SLC16A10: variants seen among roughly 807,000 people sequenced by gnomAD.
The protein encoded by SLC16A10 is monocarboxylate transporter 10.
SLC16A10 carries 27 observed loss-of-function variants against 40.0 expected under a neutral mutation model. The ratio of observed to expected loss-of-function variants is 0.67; its 90% CI spans 0.50 to 0.93. SLC16A10 has a LOEUF of 0.93. Ranked by LOEUF, SLC16A10 falls within the 40% of genes least tolerant of loss-of-function variation. The pLI, the probability that SLC16A10 is intolerant of heterozygous loss-of-function variation, is 0.00. For missense variants in SLC16A10, 529 were observed against 658.2 expected, an observed-to-expected ratio of 0.80 and a Z score of 2.15; for synonymous variants, 213 against 249.8, an observed-to-expected ratio of 0.85 and a Z score of 1.39.
rs542313521 is a variant in SLC16A10, at chr6:111,223,351, T to C, written c.*1116T>C. The C allele has an allele frequency of 5.9e-5, 9 of 152,294 alleles. No homozygotes were observed. In the South Asian group the frequency reaches 1.9e-3, roughly 32 times the overall value. The allele number at this position is 152,294 out of a possible 1,614,324, so 9.4% of individuals were successfully genotyped here. A position where few individuals can be genotyped will look rare whatever the true frequency, so the allele number is the denominator to read the frequency against. On this transcript the variant is annotated 3_prime_UTR_variant, in exon 6 of 6. Coordinates refer to ENST00000368851, the MANE Select transcript of SLC16A10 (RefSeq NM_018593.5). ...CCTATGAACATTCCCATTGTTTTTT[T>C]TTGCTATTTATATACAGATTATCAT...
At chr6:111,174,724 T>C (rs990748181) in intron 2 of SLC16A10, among the ~76,000 whole-genome samples, 3 of 152,220 alleles carry the variant, frequency 2.0e-5, no homozygotes, top group African/African-American at 7.2e-5. Flanking sequence ...CTTGTGGCTC[T>C]ACCACTTGCC....
chr6:111,094,118 A>AT (rs1471431314), intron 1 of SLC16A10, among the ~76,000 whole-genome samples: 1 of 152,180 alleles, frequency 6.6e-6, no homozygotes. Flanking sequence ...TTCAGGAGCG[A>AT]TTTTGAGGTG....
At chr6:111,123,299 A>G (rs867382092) in intron 1 of SLC16A10, among the ~76,000 whole-genome samples, 11 of 152,350 alleles carry the variant, frequency 7.2e-5, no homozygotes, top group African/African-American at 2.2e-4. Context: ...TGTATAGGCC[A>G]TAGCTCAGGT....
intron 3 of SLC16A10, among the ~76,000 whole-genome samples, chr6:111,197,904 C>T (rs1036463963): frequency 1.6e-4 from 25 of 152,176 alleles, no homozygotes; most frequent in African/African-American, 5.6e-4. Context: ...CTCCAAAATC[C>T]AGTCACCTCC....
At chr6:111,109,454 A>ATT (rs149807124) in intron 1 of SLC16A10, among the ~76,000 whole-genome samples, 45 of 115,786 alleles carry the variant, frequency 3.9e-4, no homozygotes, top group East Asian at 1.2e-3. Context: ...CCTATGCCAC[A>ATT]TTTTTTTTTT....
intron 4 of SLC16A10, among the ~76,000 whole-genome samples, chr6:111,210,433 T>A (rs1025286835): frequency 3.3e-5 from 5 of 152,208 alleles, no homozygotes; most frequent in African/African-American, 1.2e-4. Flanking sequence ...CATCTAACAT[T>A]TAGTTTTGTT....
At chr6:111,128,147 ATCTT>A (rs1005741834) in intron 1 of SLC16A10, among the ~76,000 whole-genome samples, 4 of 152,150 alleles carry the variant, frequency 2.6e-5, no homozygotes, top group African/African-American at 7.2e-5. Context: ...GTTTCTTTGA[ATCTT>A]TCTGTCAGTT....
chr6:111,218,076 T>G (rs1770802543), intron 4 of SLC16A10, among the ~76,000 whole-genome samples: 1 of 152,168 alleles, frequency 6.6e-6, no homozygotes, highest in South Asian at 2.1e-4. Context: ...TCTGGGGTGC[T>G]TAAATTTATC....
At chr6:111,144,974 C>A (rs113130835) in intron 1 of SLC16A10, among the ~76,000 whole-genome samples, 2 of 152,006 alleles carry the variant, frequency 1.3e-5, no homozygotes, top group Non-Finnish European at 2.9e-5. Flanking sequence ...ACCACACAGG[C>A]GCATGCCACC....
chr6:111,208,149 G>GT (rs952593781), intron 4 of SLC16A10, among the ~76,000 whole-genome samples: 20 of 148,948 alleles, frequency 1.3e-4, no homozygotes, highest in African/African-American at 3.7e-4. Flanking sequence ...TTGTTTTTTT[G>GT]TTTTTTTTCT....
intron 1 of SLC16A10, among the ~76,000 whole-genome samples, chr6:111,147,260 A>T (rs1252315030): frequency 6.6e-6 from 1 of 152,242 alleles, no homozygotes; most frequent in Non-Finnish European, 1.5e-5. Context: ...CAAAATACAG[A>T]GTATAATTCA....
At chr6:111,124,878 T>G (rs781247771) in intron 1 of SLC16A10, among the ~76,000 whole-genome samples, 8 of 152,210 alleles carry the variant, frequency 5.3e-5, no homozygotes, top group Non-Finnish European at 1.2e-4. Context: ...TGCATTTTCA[T>G]CTATTGATAA....
intron 3 of SLC16A10, among the ~76,000 whole-genome samples, chr6:111,198,797 G>A (rs1041420402): frequency 3.9e-5 from 6 of 152,112 alleles, no homozygotes; most frequent in Admixed American, 6.5e-5. Flanking sequence ...ACATTTAGCC[G>A]ATAGGTGACT....
chr6:111,089,908 G>GTA (rs1770942532), intron 1 of SLC16A10, among the ~76,000 whole-genome samples: 1 of 52,296 alleles, frequency 1.9e-5, no homozygotes, highest in African/African-American at 6.7e-5. Flanking sequence ...CTGTGGGTGG[G>GTA]TTTTTTTTTT....
chr6:111,211,690 T>G (rs1773348817), intron 4 of SLC16A10, among the ~76,000 whole-genome samples: 1 of 152,234 alleles, frequency 6.6e-6, no homozygotes, highest in Non-Finnish European at 1.5e-5. Flanking sequence ...AACACAGGCC[T>G]AACCCATGCA....
Position 111,206,598 on chromosome 6 carries a change from C to T in SLC16A10, c.949C>T (p.His317Tyr), listed in dbSNP as rs1285343377. Residue 317 changes from histidine to tyrosine, a missense_variant, in exon 4 of 6, where the codon CAT becomes TAT. Transcript: ENST00000368851. ...YFVPYVHLMK[H>Y]VNERFQDEKN... ...CTTTCTCTTTGGCCTATAGATGAAA[C>T]ATGTAAATGAAAGATTTCAAGATGA... is the stretch of plus-strand genomic sequence containing the variant. 1.2e-6 allele frequency: 2 copies of T among 1,613,824 alleles called. No homozygotes were observed. The highest frequency in any genetic ancestry group is 1.7e-6 in the Non-Finnish European group (2 of 1,179,928).
chr6:111,222,063 C>T lies in SLC16A10; in HGVS notation c.1376C>T (p.Pro459Leu), dbSNP rs749991521. ...GCATTCTACCTCGCTGGAGTCCCTCCCCTTATTGGAGGTGCTGTGCTTTGT... is the reference window on the plus strand; with the variant it reads ...GCATTCTACCTCGCTGGAGTCCCTCTCCTTATTGGAGGTGCTGTGCTTTGT... ...DVAFYLAGVPPLIGGAVLCFI... is the reference protein window; with the variant it reads ...DVAFYLAGVPLLIGGAVLCFI... The change falls in exon 6 of 6, where the codon CCC becomes CTC. Residue 459 changes from proline (P) to leucine (L), a missense_variant. Pro to Leu is a moderately conservative substitution (Grantham distance 98, BLOSUM62 -3). Transcript: ENST00000368851. The T allele has an allele frequency of 1.9e-6, 3 of 1,610,946 alleles. No homozygotes were observed. Among genetic ancestry groups the T allele is most frequent in the Non-Finnish European group, 1.7e-6 (2 of 1,179,222 alleles).
chr6:111,137,191 CAGA>C (rs1349929472), intron 1 of SLC16A10, among the ~76,000 whole-genome samples: 1 of 152,204 alleles, frequency 6.6e-6, no homozygotes, highest in East Asian at 1.9e-4. Context: ...CCCCAGTACT[CAGA>C]AGAAGAAATA....
At chr6:111,091,775 C>T (rs1770979512) in intron 1 of SLC16A10, among the ~76,000 whole-genome samples, 1 of 152,204 alleles carries the variant, frequency 6.6e-6, no homozygotes, top group Non-Finnish European at 1.5e-5. Flanking sequence ...TGAAGAAGTT[C>T]ATTCACACTA....
Sources: allele counts gnomAD v4.1 joint callset (sites outside exome capture counted in the v4.1 genomes callset), GRCh38; gene constraint gnomAD v4.1.1; transcripts MANE v1.5; gene names NCBI Gene and HGNC (gene_info 2026-07-23, HGNC 2026-07-21).